The following POU2F2 variants were observed in gnomAD, a reference collection of about 807,000 sequenced individuals.
POU2F2 encodes the protein POU domain, class 2, transcription factor 2.
Under a neutral mutation model 63.5 loss-of-function variants are expected in POU2F2, and 14 were observed. That is an observed-to-expected ratio of 0.22 (90% CI 0.15 to 0.34). The LOEUF (loss-of-function observed/expected upper bound fraction) is 0.34. Among genes scored for constraint, POU2F2 ranks in the 10% least tolerant of loss-of-function variants. The pLI is 1.00. For missense variants in POU2F2, 607 were observed against 815.2 expected, an observed-to-expected ratio of 0.74 and a Z score of 3.11; for synonymous variants, 306 against 348.6, an observed-to-expected ratio of 0.88 and a Z score of 1.36.
At chr19:42,136,467 G>A (rs1650496), upstream of POU2F2, among the ~76,000 whole-genome samples, 5 of 152,230 alleles carry the variant, frequency 3.3e-5, no homozygotes, top group Admixed American at 6.5e-5. Flanking sequence ...GATTACAGTC[G>A]TGAGCCACTG....
In POU2F2 at chr19:42,095,270, G is replaced by A; in HGVS notation, c.1197+16C>T. ...AGCTCTGTGGTCTCCCCACCCCCCA[G>A]GCGGGCTCTTGGTACCATATGGGGG... is the stretch of plus-strand genomic sequence containing the variant. On this transcript the variant is annotated intron_variant, in intron 11 of 14. Coordinates refer to ENST00000692977, the MANE Select transcript of POU2F2 (RefSeq NM_001394376.1). The surrounding 1 kb of genome is among the most constrained non-coding windows in gnomAD (Gnocchi z 7.1). 6.2e-7 allele frequency: 1 copy of A among 1,607,966 alleles called. No homozygotes were observed. The highest frequency in any genetic ancestry group is 8.5e-7 in the Non-Finnish European group (1 of 1,178,170).
In POU2F2 at chr19:42,117,148, A is replaced by G; in HGVS notation, c.369+102T>C. The G allele has an allele frequency of 4.1e-6, 4 of 966,286 alleles. No homozygotes were observed. The highest frequency in any genetic ancestry group is 6.2e-6 in the Non-Finnish European group (4 of 648,572). 59.9% of individuals were successfully genotyped at this position (966,286 alleles called of 1,614,324 possible). A position where few individuals can be genotyped will look rare whatever the true frequency, so the allele number is the denominator to read the frequency against. ...GAAGAGGGCAAGAGGCAGGTGTGAGAGAGTGGCCATGGCCTTGGTGGAACA... is the reference window on the plus strand; with the variant it reads ...GAAGAGGGCAAGAGGCAGGTGTGAGGGAGTGGCCATGGCCTTGGTGGAACA... On this transcript the variant is annotated intron_variant, in intron 5 of 14. Transcript: ENST00000692977. This position sits in a 1 kb window ranked among gnomAD's most constrained non-coding sequence, Gnocchi z 4.4.
chr19:42,189,546 T>C (rs1029422472), intron 1 of POU2F2, among the ~76,000 whole-genome samples: 1 of 152,174 alleles, frequency 6.6e-6, no homozygotes, highest in Non-Finnish European at 1.5e-5. Context: ...CATCTTAATC[T>C]CCTTCTAATA....
At chr19:42,192,543 G>A (rs1000181565) in intron 1 of POU2F2, among the ~76,000 whole-genome samples, 4 of 152,082 alleles carry the variant, frequency 2.6e-5, no homozygotes, top group African/African-American at 7.2e-5. Context: ...CCTCTGCATC[G>A]TATTTACCCT....
At chr19:42,191,603 G>T (rs1053366362) in intron 1 of POU2F2, among the ~76,000 whole-genome samples, 5 of 152,202 alleles carry the variant, frequency 3.3e-5, no homozygotes, top group African/African-American at 1.2e-4. Context: ...TAGTGAAAGA[G>T]CTCAGATGGT....
At position 42,095,700 on chromosome 19, in the gene POU2F2, G is replaced by A. The variant is rs76824856; in HGVS notation, c.872-7C>T. The A allele has an allele frequency of 2.9e-4, 464 of 1,611,544 alleles. 6 individuals are homozygous for A. In the East Asian group the frequency reaches 8.8e-3, roughly 30 times the overall value. ...GAGTCCACAGACATAGTCTCTGTGCGCCGGGGGAGACGTGAGCATGAGAAG... is the reference window on the plus strand; with the variant it reads ...GAGTCCACAGACATAGTCTCTGTGCACCGGGGGAGACGTGAGCATGAGAAG... On this transcript the variant is annotated splice_polypyrimidine_tract_variant and splice_region_variant and intron_variant, in intron 9 of 14. Transcript: ENST00000692977. The surrounding 1 kb of genome is among the most constrained non-coding windows in gnomAD (Gnocchi z 7.1).
At position 42,152,039 on chromosome 19, in the gene POU2F2, C is replaced by T. The variant is rs2034361765; in HGVS notation, c.-9+8293G>A. 6.6e-6 allele frequency among the ~76,000 whole-genome samples: 1 copy of T among 152,124 alleles called. No homozygotes were observed. Among genetic ancestry groups the T allele is most frequent in the Admixed American group, 6.5e-5 (1 of 15,276 alleles). On this transcript the variant is annotated intron_variant, in intron 2 of 6. Transcript: ENST00000524801. This position sits in a 1 kb window ranked among gnomAD's most constrained non-coding sequence, Gnocchi z 4.1. Reference sequence around the variant, plus strand: ...GCCTTCAGACAGTTTTCCCCTTTTGCCCATGGCTACAGTGAAGGAGGAGGA... The same window carrying T: ...GCCTTCAGACAGTTTTCCCCTTTTGTCCATGGCTACAGTGAAGGAGGAGGA...
At chr19:42,125,698 G>A (rs1191639534) in intron 1 of POU2F2, among the ~76,000 whole-genome samples, 2 of 152,158 alleles carry the variant, frequency 1.3e-5, no homozygotes, top group Non-Finnish European at 1.5e-5. Flanking sequence ...TCCCTCCAGC[G>A]GAGCTCCACA....
rs2034468803 is a variant in POU2F2 at position 42,156,954 on chromosome 19, G to C, written c.-9+3378C>G. 6.6e-6 allele frequency: 1 copy of C among 152,212 alleles called. No individual in the cohort carries two copies. Among genetic ancestry groups the C allele is most frequent in the African/African-American group, 2.4e-5 (1 of 41,426 alleles). The allele number at this position is 152,212 out of a possible 1,614,324, so 9.4% of individuals were successfully genotyped here. A position where few individuals can be genotyped will look rare whatever the true frequency, so the allele number is the denominator to read the frequency against. On this transcript the variant is annotated intron_variant, in intron 2 of 6. Coordinates refer to the POU2F2 transcript ENST00000524801. This position sits in a 1 kb window ranked among gnomAD's most constrained non-coding sequence, Gnocchi z 4.1. Reference sequence around the variant, plus strand: ...CCCTCAGGGTGTGTGAGCACCCTGGGGCACATGCCTGTTGCTTATGTCTGG... The same window carrying C: ...CCCTCAGGGTGTGTGAGCACCCTGGCGCACATGCCTGTTGCTTATGTCTGG...
At chr19:42,134,182 T>TG (rs1428072316), upstream of POU2F2, among the ~76,000 whole-genome samples, 3 of 132,716 alleles carry the variant, frequency 2.3e-5, no homozygotes, top group Admixed American at 8.0e-5. Context: ...GGATTTGTTT[T>TG]GGGGGGCTTG....
chr19:42,165,278 C>G (rs770377805), intron 1 of POU2F2, among the ~76,000 whole-genome samples: 1 of 152,234 alleles, frequency 6.6e-6, no homozygotes, highest in Non-Finnish European at 1.5e-5. Flanking sequence ...GAAGAGCTCA[C>G]TCCTCTGGCT....
chr19:42,110,297 A>G (rs910890576), intron 5 of POU2F2, among the ~76,000 whole-genome samples: 3 of 152,140 alleles, frequency 2.0e-5, no homozygotes, highest in African/African-American at 7.2e-5. Context: ...AACTACATAA[A>G]TAAAATAAAA....
At chr19:42,177,716 G>A (rs145270383), upstream of POU2F2, among the ~76,000 whole-genome samples, 87 of 151,750 alleles carry the variant, frequency 5.7e-4, 1 homozygote, top group East Asian at 5.8e-3. Flanking sequence ...AGACAGAGGG[G>A]TAAGGGCGAG....
intron 1 of POU2F2, among the ~76,000 whole-genome samples, chr19:42,166,361 A>G (rs2034650073): frequency 6.6e-6 from 1 of 152,174 alleles, no homozygotes; most frequent in African/African-American, 2.4e-5. Context: ...AACAAAAAAA[A>G]GTTCAAAGCA....
At chr19:42,122,089 G>A (rs768117217) in intron 4 of POU2F2, 37 bp downstream of exon 4, 17 of 1,578,648 alleles carry the variant, frequency 1.1e-5, no homozygotes, top group South Asian at 2.2e-5. Flanking sequence ...TCTTCCAAGC[G>A]CTGCCCACTT....
chr19:42,090,293 T>G lies in POU2F2; in HGVS notation c.*964A>C, dbSNP rs1214348700. On this transcript the variant is annotated 3_prime_UTR_variant, in exon 15 of 15. Coordinates refer to ENST00000692977, the MANE Select transcript of POU2F2 (RefSeq NM_001394376.1). This position sits in a 1 kb window ranked among gnomAD's most constrained non-coding sequence, Gnocchi z 4.4. The stretch of plus-strand genomic sequence containing the variant: ...GTCTTCATCCCCTCTTGCCTGAAAT[T>G]TCCACCTTCCCATAGGCTGGGGAGG... 1 of 152,594 alleles carries G rather than the reference T, an allele frequency of 6.6e-6. No individual in the cohort carries two copies. The highest frequency in any genetic ancestry group is 2.4e-5 in the African/African-American group (1 of 41,430). 9.5% of individuals were successfully genotyped at this position (152,594 alleles called of 1,614,324 possible). A position where few individuals can be genotyped will look rare whatever the true frequency, so the allele number is the denominator to read the frequency against.
intron 1 of POU2F2, among the ~76,000 whole-genome samples, chr19:42,124,467 C>T (rs937175811): frequency 6.7e-6 from 1 of 149,690 alleles, no homozygotes; most frequent in Non-Finnish European, 1.5e-5. Flanking sequence ...ATTAAAAAAA[C>T]AGGTCATGCA....
Position 42,185,040 on chromosome 19 carries a change from C to T in POU2F2, c.-70+11343G>A, listed in dbSNP as rs113494984. ...TAGCATTCAAGTCAGAAAAATTGTC[C>T]CTGTCCTTGACACCTTCCTCTTCCT... On this transcript the variant is annotated intron_variant, in intron 1 of 5. Transcript: ENST00000532176. Among the ~76,000 whole-genome samples the T allele has an allele frequency of 2.5e-3, 377 of 152,264 alleles. 5 individuals carry two copies. Among genetic ancestry groups the T allele is most frequent in the African/African-American group, 8.5e-3 (355 of 41,546 alleles).
rs991435464 is a variant in POU2F2 at position 42,152,998 on chromosome 19, G to A, written c.-9+7334C>T. Among the ~76,000 whole-genome samples the A allele has an allele frequency of 2.6e-5, 4 of 152,128 alleles. No homozygotes were observed. The highest frequency in any genetic ancestry group is 7.2e-5 in the African/African-American group (3 of 41,414). The stretch of plus-strand genomic sequence containing the variant: ...GAATGGACACAAAGAACAGTGGGGC[G>A]AACCCTCAGGCCGGCCTGCGCCCAC... On this transcript the variant is annotated intron_variant, in intron 2 of 6. Transcript: ENST00000524801. The surrounding 1 kb of genome is among the most constrained non-coding windows in gnomAD (Gnocchi z 4.1).
Sources: gnomAD v4.1 joint callset for allele counts (sites outside exome capture counted in the v4.1 genomes callset) on GRCh38, gnomAD v4.1.1 for gene constraint, Gnocchi (gnomAD v3.1) non-coding constraint, MANE v1.5 for transcripts, NCBI Gene and HGNC (gene_info 2026-07-23, HGNC 2026-07-21) for gene names.